TMOD3: variants seen among roughly 807,000 people sequenced by gnomAD.
TMOD3 encodes tropomodulin 3.
In TMOD3, 20 loss-of-function variants were observed where a neutral mutation model predicts 39.2. That is an observed-to-expected ratio of 0.51 (90% CI 0.36 to 0.74). The LOEUF (loss-of-function observed/expected upper bound fraction) is 0.74. TMOD3 is among the 30% of genes least tolerant of loss of function. The probability of loss-of-function intolerance (pLI) is 0.00; values close to 1 mark genes in which losing one functional copy is unlikely to be tolerated. For missense variants in TMOD3, 381 were observed against 412.8 expected (o/e 0.92, Z 0.67); for synonymous variants, 143 against 145.8 (o/e 0.98, Z 0.14).
At chr15:51,885,436 G>A (rs1054331885) in intron 3 of TMOD3, among the ~76,000 whole-genome samples, 4 of 152,048 alleles carry the variant, frequency 2.6e-5, no homozygotes, top group East Asian at 1.9e-4. Context: ...AGGACCCTGC[G>A]GCCTTCCGCA....
At chr15:51,863,104 C>A in intron 2 of TMOD3, 94 bp downstream of exon 2, 1 of 1,303,502 alleles carries the variant, frequency 7.7e-7, no homozygotes, top group East Asian at 2.4e-5. Context: ...TTTTCTCTGG[C>A]ACCTTCCACC....
rs538956001 is a variant in TMOD3 at position 51,908,467 on chromosome 15, T to C, written c.1025-309T>C. On this transcript the variant is annotated intron_variant, in intron 9 of 9. Coordinates refer to ENST00000308580, the MANE Select transcript of TMOD3 (RefSeq NM_014547.5). ...CAAAAACAAATGACTTGTAGATGATTGCTGACCATTCTGTTTTAGATTTCT... is the reference window on the plus strand; with the variant it reads ...CAAAAACAAATGACTTGTAGATGATCGCTGACCATTCTGTTTTAGATTTCT... 7.2e-5 allele frequency among the ~76,000 whole-genome samples: 11 copies of C among 152,346 alleles called. No individual in the cohort carries two copies. The East Asian group carries it at 2.1e-3, about 29-fold the overall frequency.
chr15:51,889,678 T>C (rs1460897113), intron 5 of TMOD3, among the ~76,000 whole-genome samples: 2 of 151,612 alleles, frequency 1.3e-5, no homozygotes, highest in South Asian at 2.1e-4. Context: ...AGGACCAGCA[T>C]TGGAAACGTA....
chr15:51,832,890 C>CT (rs1489559117), intron 1 of TMOD3, among the ~76,000 whole-genome samples: 4 of 152,188 alleles, frequency 2.6e-5, no homozygotes, highest in Non-Finnish European at 5.9e-5. Context: ...ACTCTTCACA[C>CT]TTTTCAGTTG....
In TMOD3 at chr15:51,829,667, C is replaced by G. The variant is rs1415064551; in HGVS notation, c.-244C>G. 1.3e-5 allele frequency: 2 copies of G among 152,354 alleles called. No homozygotes were observed. The highest frequency in any genetic ancestry group is 4.8e-5 in the African/African-American group (2 of 41,468). The allele number at this position is 152,354 out of a possible 1,614,324, so 9.4% of individuals were successfully genotyped here. On this transcript the variant is annotated 5_prime_UTR_variant, in exon 1 of 10. Transcript: ENST00000308580. ...GCGTCGGAGGCGAAGGAGGAACCCA[C>G]CGCACCTACAGGGCGGTCGAGTGAG...
chr15:51,831,015 T>C (rs1396468111), intron 1 of TMOD3, among the ~76,000 whole-genome samples: 2 of 152,334 alleles, frequency 1.3e-5, no homozygotes, highest in Admixed American at 1.3e-4. Context: ...TGTAGTTTGC[T>C]GATCTTTAAA....
intron 1 of TMOD3, among the ~76,000 whole-genome samples, chr15:51,834,566 C>A (rs933323265): frequency 2.6e-5 from 4 of 152,124 alleles, no homozygotes; most frequent in Admixed American, 1.3e-4. Flanking sequence ...CACAGTGGCT[C>A]ACACCTGTAA....
chr15:51,902,811 G>A (rs749810584), intron 9 of TMOD3, among the ~76,000 whole-genome samples: 2 of 152,092 alleles, frequency 1.3e-5, no homozygotes, highest in Middle Eastern at 3.4e-3. Flanking sequence ...CACCTCGCCC[G>A]GCTAATTTTT....
In TMOD3 at chr15:51,887,571, A is replaced by G. The variant is rs761091535; in HGVS notation, c.284-18A>G. 7 of 1,608,004 alleles carry G rather than the reference A, an allele frequency of 4.4e-6. No homozygotes were observed. Among genetic ancestry groups the G allele is most frequent in the Admixed American group, 1.7e-5 (1 of 58,404 alleles). ...GATAGCAGTAGTAATGGAATTAACA[A>G]AATGCTTTATTTTACAGGGAAAATA... On this transcript the variant is annotated intron_variant, in intron 3 of 9. Coordinates refer to ENST00000308580, the MANE Select transcript of TMOD3 (RefSeq NM_014547.5).
chr15:51,836,740 A>G (rs904964053), intron 1 of TMOD3, among the ~76,000 whole-genome samples: 9 of 151,452 alleles, frequency 5.9e-5, no homozygotes, highest in Non-Finnish European at 8.8e-5. Context: ...AAAAAAAGAA[A>G]AAAGAAAAAA....
intron 1 of TMOD3, among the ~76,000 whole-genome samples, chr15:51,854,731 GT>G (rs1443798121): frequency 2.6e-5 from 4 of 152,178 alleles, no homozygotes; most frequent in African/African-American, 4.8e-5. Flanking sequence ...GTTCTCCCAG[GT>G]GCTGGTGCAA....
intron 1 of TMOD3, among the ~76,000 whole-genome samples, chr15:51,862,127 T>G (rs1034095618): frequency 6.6e-6 from 1 of 152,160 alleles, no homozygotes. Flanking sequence ...ACCTCATGGC[T>G]GCCTGGGAGA....
At chr15:51,871,364 G>A (rs2056473896) in intron 3 of TMOD3, among the ~76,000 whole-genome samples, 2 of 152,156 alleles carry the variant, frequency 1.3e-5, no homozygotes. Flanking sequence ...TTAAATAGAA[G>A]AACATAATTT....
intron 5 of TMOD3, among the ~76,000 whole-genome samples, chr15:51,890,671 G>A (rs1595907931): frequency 1.3e-5 from 2 of 152,154 alleles, no homozygotes; most frequent in African/African-American, 4.8e-5. Context: ...ATTTTAACCC[G>A]TGTTATATAG....
intron 2 of TMOD3, among the ~76,000 whole-genome samples, chr15:51,864,489 C>T (rs1299205996): frequency 2.0e-5 from 3 of 152,010 alleles, no homozygotes; most frequent in African/African-American, 7.3e-5. Context: ...TAATGGATGA[C>T]ACACACTGAA....
At chr15:51,877,059 T>C (rs1414973261) in intron 3 of TMOD3, among the ~76,000 whole-genome samples, 1 of 152,076 alleles carries the variant, frequency 6.6e-6, no homozygotes, top group African/African-American at 2.4e-5. Context: ...CGAGACTCTG[T>C]CTCAAAAAAA....
chr15:51,887,668 A>C lies in TMOD3; in HGVS notation c.363A>C (p.Glu121Asp), dbSNP rs1218502708. ...TGTCTCTTGATCCAGAATTAGAAGA[A>C]GCTTTGACAAGTGCTTCTGATACAG... is the stretch of plus-strand genomic sequence containing the variant. ...EKVSLDPELE[E>D]ALTSASDTEL... Residue 121 changes from glutamate (E) to aspartate (D), a missense_variant, in exon 4 of 10, where the codon GAA becomes GAC. By Grantham distance (45) the Glu-to-Asp change is conservative. Transcript: ENST00000308580. 1 of 1,613,944 alleles carries C rather than the reference A, an allele frequency of 6.2e-7. No individual in the cohort carries two copies. The highest frequency in any genetic ancestry group is 8.5e-7 in the Non-Finnish European group (1 of 1,180,000).
At chr15:51,859,237 ACT>A (rs2141681465) in intron 1 of TMOD3, 1 of 741,942 alleles carries the variant, frequency 1.3e-6, no homozygotes, top group East Asian at 2.7e-5. Flanking sequence ...GCCTCTGCTG[ACT>A]CTCCCTGCAA....
At position 51,836,723 on chromosome 15, in the gene TMOD3, C is replaced by CA. The variant is rs760890596; in HGVS notation, c.-75+6900dup. On this transcript the variant is annotated intron_variant, in intron 1 of 9. Transcript: ENST00000308580. ...CTGGTGACAGAGTGATGCTCCGTCT[C>CA]AAAAAAAAAAAAAGAAAAAAGAAAA... Among the ~76,000 whole-genome samples the CA allele has an allele frequency of 4.6e-3, 597 of 129,176 alleles. 2 individuals carry two copies. Among genetic ancestry groups the CA allele is most frequent in the Middle Eastern group, 0.022 (6 of 272 alleles). 84.7% of individuals were successfully genotyped at this position (129,176 alleles called of 152,430 possible). A position where few individuals can be genotyped will look rare whatever the true frequency, so the allele number is the denominator to read the frequency against.
Sources: gnomAD v4.1 joint callset for allele counts (sites outside exome capture counted in the v4.1 genomes callset) on GRCh38, gnomAD v4.1.1 for gene constraint, MANE v1.5 for transcripts, NCBI Gene and HGNC (gene_info 2026-07-23, HGNC 2026-07-21) for gene names.